The following TRAPPC8 variants were observed in gnomAD, a reference collection of about 807,000 sequenced individuals.
TRAPPC8 encodes the protein general sporulation gene 1 homolog.
TRAPPC8 carries 54 observed loss-of-function variants against 174.3 expected under a neutral mutation model. That is an observed-to-expected ratio of 0.31 (90% CI 0.25 to 0.39). The LOEUF is 0.39. Among genes scored for constraint, TRAPPC8 ranks in the 10% least tolerant of loss-of-function variants. TRAPPC8 has a pLI of 1.00. For synonymous variants in TRAPPC8, 630 were observed against 579.9 expected (o/e 1.09, Z -1.24); for missense variants, 1,531 against 1,699.1 (o/e 0.90, Z 1.74).
At chr18:31,862,577 A>G (rs573265366) in intron 19 of TRAPPC8, among the ~76,000 whole-genome samples, 1 of 152,140 alleles carries the variant, frequency 6.6e-6, no homozygotes, top group Non-Finnish European at 1.5e-5. Flanking sequence ...GGGTCAGTCC[A>G]TAAGTTTTTT....
At chr18:31,868,275 C>T (rs556649127) in intron 16 of TRAPPC8, among the ~76,000 whole-genome samples, 3 of 152,194 alleles carry the variant, frequency 2.0e-5, no homozygotes, top group African/African-American at 7.2e-5. Flanking sequence ...AAACTCCCTA[C>T]ATTCCAGTTC....
At position 31,890,956 on chromosome 18, in the gene TRAPPC8, T is replaced by C. The variant is rs2035929038; in HGVS notation, c.1597-90A>G. On this transcript the variant is annotated intron_variant, in intron 11 of 28. Transcript: ENST00000283351. ...GAAAAAAACATTTAATTTCTTAATA[T>C]ATAGCATATCCAATGTTTAACTTAA... 4.0e-6 allele frequency: 5 copies of C among 1,239,082 alleles called. No homozygotes were observed. The South Asian group carries it at 6.5e-5, about 16-fold the overall frequency. The allele number at this position is 1,239,082 out of a possible 1,614,324, so 76.8% of individuals were successfully genotyped here.
At chr18:31,939,044 G>A (rs1159892763) in intron 1 of TRAPPC8, among the ~76,000 whole-genome samples, 1 of 131,234 alleles carries the variant, frequency 7.6e-6, no homozygotes, top group African/African-American at 2.8e-5. Context: ...CTATCTCGCC[G>A]CTGCACTCCA....
intron 1 of TRAPPC8, 115 bp downstream of exon 1, chr18:31,942,493 A>T: frequency 7.6e-7 from 1 of 1,321,210 alleles, no homozygotes; most frequent in Non-Finnish European, 9.9e-7. Flanking sequence ...CCCAGACGCC[A>T]CGGTACCGGC....
chr18:31,873,008 T>G (rs937652451), intron 14 of TRAPPC8, among the ~76,000 whole-genome samples: 1 of 50,544 alleles, frequency 2.0e-5, no homozygotes, highest in Admixed American at 1.6e-4. Context: ...TTCATTTTCC[T>G]TTTTTTTTTT....
chr18:31,838,799 T>G (rs1568030994), intron 27 of TRAPPC8, among the ~76,000 whole-genome samples: 1 of 152,156 alleles, frequency 6.6e-6, no homozygotes, highest in African/African-American at 2.4e-5. Context: ...CTTCCTAATT[T>G]TTTAATTAGT....
In TRAPPC8 at chr18:31,830,504, G is replaced by C. The variant is rs2032294676; in HGVS notation, c.*251C>G. The C allele has an allele frequency of 2.3e-6, 1 of 439,920 alleles. No homozygotes were observed. The highest frequency in any genetic ancestry group is 3.7e-5 in the South Asian group (1 of 27,152). 27.3% of individuals were successfully genotyped at this position (439,920 alleles called of 1,614,324 possible). A position where few individuals can be genotyped will look rare whatever the true frequency, so the allele number is the denominator to read the frequency against. On this transcript the variant is annotated 3_prime_UTR_variant, in exon 29 of 29. Coordinates refer to ENST00000283351, the MANE Select transcript of TRAPPC8 (RefSeq NM_014939.5). The stretch of plus-strand genomic sequence containing the variant: ...TTCTTAAGATGGGGCTTAATAAGGT[G>C]CACAAATATGCTGATATCCTGTATT...
intron 10 of TRAPPC8, among the ~76,000 whole-genome samples, chr18:31,899,301 C>T (rs556715141): frequency 6.6e-6 from 1 of 152,276 alleles, no homozygotes; most frequent in East Asian, 1.9e-4. Context: ...ATGAGGATAA[C>T]AATAGCATTC....
intron 11 of TRAPPC8, 36 bp from the exon 12 acceptor site, chr18:31,890,902 A>C: frequency 6.4e-7 from 1 of 1,569,686 alleles, no homozygotes; most frequent in Non-Finnish European, 8.6e-7. Context: ...GGTTAGTTTC[A>C]CCAAGTTAAA....
At chr18:31,893,402 T>TGTGTGCGC (rs1491520716) in intron 11 of TRAPPC8, among the ~76,000 whole-genome samples, 1 of 138,246 alleles carries the variant, frequency 7.2e-6, no homozygotes, top group African/African-American at 2.6e-5. Context: ...TGTGTGTGTG[T>TGTGTGCGC]GCGCGCGCGC....
intron 16 of TRAPPC8, chr18:31,870,145 A>T: frequency 3.3e-6 from 1 of 301,956 alleles, no homozygotes. Context: ...GCAAAATGTT[A>T]AAGTGGTTAT....
At chr18:31,867,601 A>T in intron 16 of TRAPPC8, 125 bp from the exon 17 acceptor site, 1 of 634,356 alleles carries the variant, frequency 1.6e-6, no homozygotes, top group East Asian at 2.9e-5. Flanking sequence ...GGTTTTTACC[A>T]CATGCTGAGC....
Position 31,897,861 on chromosome 18 carries a change from C to A in TRAPPC8, c.1521G>T (p.Leu507Phe), listed in dbSNP as rs374281103. 1 of 1,611,050 alleles carries A rather than the reference C, an allele frequency of 6.2e-7. No homozygotes were observed. The highest frequency in any genetic ancestry group is 8.5e-7 in the Non-Finnish European group (1 of 1,178,266). ...KNMVLAERCVLLSAELLKSQS... is the reference protein window; with the variant it reads ...KNMVLAERCVFLSAELLKSQS... ...GGCTTTTTAAAAGTTCAGCACTAAG[C>A]AACACACATCTTTCAGCCAACACCA... Residue 507 changes from leucine to phenylalanine, a missense_variant, in exon 11 of 29, where the codon TTG becomes TTT. By Grantham distance (22) the Leu-to-Phe change is conservative (BLOSUM62 0). Transcript: ENST00000283351.
chr18:31,887,390 A>C (rs1360574974), intron 12 of TRAPPC8, among the ~76,000 whole-genome samples: 3 of 152,218 alleles, frequency 2.0e-5, no homozygotes, highest in African/African-American at 7.2e-5. Context: ...TCACGCCTGT[A>C]ATCCCAGCAC....
intron 4 of TRAPPC8, among the ~76,000 whole-genome samples, chr18:31,914,100 C>G (rs2037031381): frequency 7.1e-6 from 1 of 141,580 alleles, no homozygotes; most frequent in Non-Finnish European, 1.5e-5. Flanking sequence ...GCACTGCACT[C>G]TAGCCTAGGC....
chr18:31,872,397 A>G (rs1485822656), intron 14 of TRAPPC8, among the ~76,000 whole-genome samples: 3 of 152,150 alleles, frequency 2.0e-5, no homozygotes, highest in Admixed American at 6.5e-5. Context: ...TCCATAAGAC[A>G]TTTAAAAAAC....
At chr18:31,862,690 C>T (rs1484210995) in intron 19 of TRAPPC8, among the ~76,000 whole-genome samples, 1 of 152,010 alleles carries the variant, frequency 6.6e-6, no homozygotes, top group Non-Finnish European at 1.5e-5. Flanking sequence ...GCACACACCA[C>T]CCATCACCAT....
chr18:31,900,978 T>C lies in TRAPPC8; in HGVS notation c.1437A>G (p.Pro479=), dbSNP rs1351478407. 1.3e-6 allele frequency: 2 copies of C among 1,590,618 alleles called. No individual in the cohort carries two copies. The highest frequency in any genetic ancestry group is 2.3e-5 in the South Asian group (2 of 85,950). ...CTGTATCCATGTAATGAGCAGGATA[T>C]GGCCTAGGTGCTCCTGGTTGAAGAA... The part of the protein sequence containing the change: ...SAFLQPGAPR[P]YPAHYMDTAI... Residue 479 remains proline (P), a synonymous_variant, in exon 10 of 29, where the codon CCA becomes CCG. Transcript: ENST00000283351.
At chr18:31,856,914 C>T (rs1034193127) in intron 20 of TRAPPC8, among the ~76,000 whole-genome samples, 3 of 146,866 alleles carry the variant, frequency 2.0e-5, no homozygotes, top group Non-Finnish European at 3.0e-5. Flanking sequence ...TGGGCTCAAG[C>T]GAATCTCCTG....
Sources: gnomAD v4.1 joint callset for allele counts (sites outside exome capture counted in the v4.1 genomes callset) on GRCh38, gnomAD v4.1.1 for gene constraint, MANE v1.5 for transcripts, NCBI Gene and HGNC (gene_info 2026-07-23, HGNC 2026-07-21) for gene names.